The following PPP2R5A variants were observed in gnomAD, a reference collection of about 807,000 sequenced individuals.
PPP2R5A encodes protein phosphatase 2 regulatory subunit B'alpha.
In PPP2R5A, 25 loss-of-function variants were observed where a neutral mutation model predicts 64.2. That is an observed-to-expected ratio of 0.39 (90% CI 0.28 to 0.54). PPP2R5A has a LOEUF of 0.54. Ranked by LOEUF, PPP2R5A falls within the 20% of genes least tolerant of loss-of-function variation. PPP2R5A has a pLI of 0.67. For synonymous variants in PPP2R5A, 198 were observed against 201.2 expected (o/e 0.98, Z 0.13); for missense variants, 425 against 576.3 (o/e 0.74, Z 2.69).
chr1:212,335,561 T>C (rs1659579843), intron 3 of PPP2R5A, among the ~76,000 whole-genome samples: 1 of 152,270 alleles, frequency 6.6e-6, no homozygotes, highest in African/African-American at 2.4e-5. Context: ...TGCCTCATTA[T>C]TTATTAATTT....
In PPP2R5A at chr1:212,360,670, T is replaced by TA; in HGVS notation, c.1362dup (p.Trp455MetfsTer18). On this transcript the variant is annotated frameshift_variant, in exon 13 of 13. Coordinates refer to ENST00000261461, the MANE Select transcript of PPP2R5A (RefSeq NM_006243.4). LOFTEE classifies it high-confidence loss of function. ...AAGAAGGAATTGGAACGTGAAGAAT[T>TA]ATGGAAAAAATTAGAGGAGCTAAAG... The TA allele has an allele frequency of 6.3e-7, 1 of 1,583,506 alleles. No individual in the cohort carries two copies. Among genetic ancestry groups the TA allele is most frequent in the Non-Finnish European group, 8.6e-7 (1 of 1,167,204 alleles).
At chr1:212,346,636 T>A (rs1205378984) in intron 5 of PPP2R5A, among the ~76,000 whole-genome samples, 1 of 152,222 alleles carries the variant, frequency 6.6e-6, no homozygotes, top group Non-Finnish European at 1.5e-5. Context: ...AACCTGCGGA[T>A]ACAGGGCCAA....
At chr1:212,309,432 C>T (rs2102419097) in intron 1 of PPP2R5A, 1 of 1,153,812 alleles carries the variant, frequency 8.7e-7, no homozygotes, top group Non-Finnish European at 1.3e-6. Flanking sequence ...GGACACCTTT[C>T]AACATTGCCT....
intron 3 of PPP2R5A, among the ~76,000 whole-genome samples, chr1:212,337,492 T>C (rs1029730116): frequency 1.1e-4 from 16 of 152,142 alleles, no homozygotes; most frequent in Admixed American, 1.0e-3. Context: ...GCAACATACA[T>C]ATATTACAGT....
intron 3 of PPP2R5A, among the ~76,000 whole-genome samples, chr1:212,336,101 T>C (rs1304729741): frequency 6.6e-6 from 1 of 151,848 alleles, no homozygotes; most frequent in East Asian, 1.9e-4. Flanking sequence ...CAAAATATGA[T>C]TTTTTCTTTT....
At chr1:212,339,227 G>A (rs1659643782) in intron 3 of PPP2R5A, among the ~76,000 whole-genome samples, 2 of 152,076 alleles carry the variant, frequency 1.3e-5, no homozygotes, top group Non-Finnish European at 2.9e-5. Flanking sequence ...GCCCAGGCTG[G>A]AATGCAATGG....
chr1:212,300,136 A>AT (rs1658773114), intron 1 of PPP2R5A, among the ~76,000 whole-genome samples: 1 of 152,156 alleles, frequency 6.6e-6, no homozygotes, highest in Non-Finnish European at 1.5e-5. Flanking sequence ...TTGATTATTC[A>AT]TATAGGAAAG....
intron 5 of PPP2R5A, among the ~76,000 whole-genome samples, chr1:212,346,620 T>A (rs1216962933): frequency 6.6e-6 from 1 of 152,224 alleles, no homozygotes; most frequent in Non-Finnish European, 1.5e-5. Flanking sequence ...AATGCACAGA[T>A]AATGAAACCT....
intron 5 of PPP2R5A, among the ~76,000 whole-genome samples, chr1:212,347,128 C>T (rs147711084): frequency 2.0e-5 from 3 of 152,154 alleles, no homozygotes; most frequent in East Asian, 1.9e-4. Flanking sequence ...TCACATATGG[C>T]GAGTTTTGGC....
At chr1:212,301,905 T>C in intron 1 of PPP2R5A, 17 of 1,327,176 alleles carry the variant, frequency 1.3e-5, no homozygotes, top group Non-Finnish European at 1.7e-5. Flanking sequence ...GATGTTTTCC[T>C]CTAAGGAAAA....
intron 8 of PPP2R5A, among the ~76,000 whole-genome samples, chr1:212,354,852 GC>G: frequency 6.6e-6 from 1 of 152,256 alleles, no homozygotes; most frequent in African/African-American, 2.4e-5. Context: ...TGTTACAACT[GC>G]CTACAGTGCC....
At chr1:212,341,512 A>T (rs1281734836) in intron 3 of PPP2R5A, among the ~76,000 whole-genome samples, 5 of 152,184 alleles carry the variant, frequency 3.3e-5, no homozygotes, top group Admixed American at 6.5e-5. Context: ...AAATTGAGGT[A>T]GGTAGTAGTC....
At chr1:212,300,446 T>G (rs1466726820) in intron 1 of PPP2R5A, among the ~76,000 whole-genome samples, 1 of 117,904 alleles carries the variant, frequency 8.5e-6, no homozygotes, top group Non-Finnish European at 2.0e-5. Context: ...CCCCATTTTA[T>G]TATTTATTTA....
At chr1:212,336,296 A>T (rs531486008) in intron 3 of PPP2R5A, among the ~76,000 whole-genome samples, 1 of 152,050 alleles carries the variant, frequency 6.6e-6, no homozygotes, top group South Asian at 2.1e-4. Flanking sequence ...TTGTATTTTT[A>T]GTAGAGATGG....
At chr1:212,326,063 G>A (rs1049780966) in intron 1 of PPP2R5A, among the ~76,000 whole-genome samples, 2 of 152,128 alleles carry the variant, frequency 1.3e-5, no homozygotes, top group African/African-American at 4.8e-5. Flanking sequence ...ATTCTGCTTA[G>A]AATGACTAAT....
At chr1:212,342,463 AG>A (rs796843799) in intron 4 of PPP2R5A, among the ~76,000 whole-genome samples, 183 bp downstream of exon 4, 2 of 152,344 alleles carry the variant, frequency 1.3e-5, no homozygotes, top group African/African-American at 4.8e-5. Context: ...ATTTTTATCA[AG>A]GGTGAGAGTC....
chr1:212,333,915 C>A, intron 3 of PPP2R5A: 1 of 188,754 alleles, frequency 5.3e-6, no homozygotes, highest in Non-Finnish European at 1.1e-5. Context: ...ACCCCATTGG[C>A]ATTTAGCACT....
chr1:212,338,733 G>T (rs1298439758), intron 3 of PPP2R5A, among the ~76,000 whole-genome samples: 1 of 151,824 alleles, frequency 6.6e-6, no homozygotes, highest in Non-Finnish European at 1.5e-5. Context: ...GTTGCAGTGA[G>T]CCGACATTGC....
intron 1 of PPP2R5A, among the ~76,000 whole-genome samples, chr1:212,304,056 T>A (rs1329839518): frequency 2.0e-5 from 3 of 152,188 alleles, no homozygotes; most frequent in Non-Finnish European, 2.9e-5. Context: ...AGATCTTTTG[T>A]TCTTTCTTCT....
Sources: gnomAD v4.1 joint callset for allele counts (sites outside exome capture counted in the v4.1 genomes callset) on GRCh38, gnomAD v4.1.1 for gene constraint, MANE v1.5 for transcripts, NCBI Gene and HGNC (gene_info 2026-07-23, HGNC 2026-07-21) for gene names.